The following SORT1 variants were observed in gnomAD, a reference collection of about 807,000 sequenced individuals.
The protein encoded by SORT1 is sortilin.
Under a neutral mutation model 101.7 loss-of-function variants are expected in SORT1, and 39 were observed. The observed-to-expected ratio is 0.38, with a 90% CI of 0.30 to 0.50. The LOEUF (loss-of-function observed/expected upper bound fraction) is 0.50. Among genes scored for constraint, SORT1 ranks in the 20% least tolerant of loss-of-function variants. SORT1 has a pLI of 0.90. For synonymous variants in SORT1, 396 were observed against 393.7 expected (o/e 1.01, Z -0.07); for missense variants, 878 against 1,040.4 (o/e 0.84, Z 2.15).
intron 10 of SORT1, among the ~76,000 whole-genome samples, chr1:109,338,963 A>C (rs1398374233): frequency 6.6e-6 from 1 of 151,640 alleles, no homozygotes; most frequent in Non-Finnish European, 1.5e-5. Flanking sequence ...CTGCAAGCTC[A>C]GCCTCCCGGG....
chr1:109,342,916 A>C (rs558035790), intron 8 of SORT1, among the ~76,000 whole-genome samples: 9 of 152,272 alleles, frequency 5.9e-5, no homozygotes, highest in African/African-American at 2.2e-4. Context: ...AATACTCTTT[A>C]AAGTTCAGTG....
chr1:109,366,724 T>C (rs1231561530), intron 3 of SORT1: 2 of 152,142 alleles, frequency 1.3e-5, no homozygotes, highest in East Asian at 1.9e-4. Flanking sequence ...CTGGGCAACA[T>C]GGTGAAACCC....
chr1:109,325,280 C>T (rs1478288310), intron 13 of SORT1, among the ~76,000 whole-genome samples, 191 bp from the exon 14 acceptor site: 6 of 141,476 alleles, frequency 4.2e-5, no homozygotes, highest in Admixed American at 3.8e-4. Flanking sequence ...ACTCTGTCAC[C>T]GGGCTGGAGT....
At chr1:109,352,278 G>A (rs2101599912) in intron 5 of SORT1, among the ~76,000 whole-genome samples, 1 of 152,202 alleles carries the variant, frequency 6.6e-6, no homozygotes, top group East Asian at 1.9e-4. Context: ...CATTATAGGT[G>A]GTGGTAGCTA....
intron 1 of SORT1, among the ~76,000 whole-genome samples, chr1:109,395,186 G>A (rs1019666028): frequency 2.1e-5 from 3 of 142,878 alleles, no homozygotes; most frequent in African/African-American, 5.1e-5. Context: ...AAGAGACCAC[G>A]GATGACTAAC....
At position 109,314,036 on chromosome 1, in the gene SORT1, T is replaced by TGA; in HGVS notation, c.*5_*6dup. 2 of 1,613,880 alleles carry TGA rather than the reference T, an allele frequency of 1.2e-6. No homozygotes were observed. Among genetic ancestry groups the TGA allele is most frequent in the Middle Eastern group, 1.6e-4 (1 of 6,062 alleles). ...CCATCCATGCTGGGTCCAGCTCCTC[T>TGA]GAAGAGCTATTCCAAGAGGTCCTGA... is the stretch of plus-strand genomic sequence containing the variant. On this transcript the variant is annotated 3_prime_UTR_variant, in exon 20 of 20. Transcript: ENST00000256637.
Position 109,325,529 on chromosome 1 carries a change from C to T in SORT1, c.1644-440G>A, listed in dbSNP as rs1176918919. Among the ~76,000 whole-genome samples, 6 of 151,986 alleles carry T rather than the reference C, an allele frequency of 3.9e-5. No homozygotes were observed. In the East Asian group the frequency reaches 9.7e-4, roughly 25 times the overall value. The stretch of plus-strand genomic sequence containing the variant: ...TGCTGGGATTATAGGCGTGAGCCAC[C>T]GCACCCAGCCAACTATTTTAACTTT... On this transcript the variant is annotated intron_variant, in intron 13 of 19. Transcript: ENST00000256637.
At chr1:109,324,152 G>C (rs1647827396) in intron 14 of SORT1, among the ~76,000 whole-genome samples, 1 of 151,124 alleles carries the variant, frequency 6.6e-6, no homozygotes, top group South Asian at 2.1e-4. Flanking sequence ...TTTTGAGACA[G>C]AGTCTTGCTC....
Position 109,316,966 on chromosome 1 carries a change from G to A in SORT1, c.2142-8C>T. On this transcript the variant is annotated splice_region_variant and splice_polypyrimidine_tract_variant and intron_variant, in intron 16 of 19. Coordinates refer to ENST00000256637, the MANE Select transcript of SORT1 (RefSeq NM_002959.7). Reference sequence around the variant, plus strand: ...CCTGGAATTTTCCGGTACCTACCAGGCAAAGAAGATTTGGTAACAGAAGAT... The same window carrying A: ...CCTGGAATTTTCCGGTACCTACCAGACAAAGAAGATTTGGTAACAGAAGAT... The A allele has an allele frequency of 1.3e-6, 2 of 1,549,864 alleles. No individual in the cohort carries two copies. The highest frequency in any genetic ancestry group is 1.8e-6 in the Non-Finnish European group (2 of 1,130,092).
chr1:109,363,164 C>T (rs1183146792), intron 3 of SORT1, among the ~76,000 whole-genome samples: 1 of 152,120 alleles, frequency 6.6e-6, no homozygotes, highest in East Asian at 1.9e-4. Flanking sequence ...AGGTATATAA[C>T]ATTGGTGTAG....
intron 1 of SORT1, among the ~76,000 whole-genome samples, chr1:109,390,785 G>T (rs1157868601): frequency 7.1e-6 from 1 of 140,114 alleles, no homozygotes; most frequent in Non-Finnish European, 1.5e-5. Context: ...GTGTGTGTGT[G>T]TGTGTGTGTG....
At chr1:109,322,537 G>GT (rs968823782) in intron 15 of SORT1, among the ~76,000 whole-genome samples, 4 of 151,794 alleles carry the variant, frequency 2.6e-5, no homozygotes, top group Non-Finnish European at 5.9e-5. Flanking sequence ...AAGGGTTTCA[G>GT]TTTTTTTTGG....
chr1:109,397,452 T>C (rs1653260458), intron 1 of SORT1, 135 bp downstream of exon 1: 2 of 537,268 alleles, frequency 3.7e-6, no homozygotes, highest in Non-Finnish European at 4.8e-6. Context: ...CGCCGCAGTT[T>C]CGGGGCTGCG....
In SORT1 at chr1:109,350,492, A is replaced by G. The variant is rs559537228; in HGVS notation, c.782+437T>C. 3.9e-5 allele frequency among the ~76,000 whole-genome samples: 6 copies of G among 152,350 alleles called. No homozygotes were observed. In the East Asian group the frequency reaches 1.2e-3, roughly 29 times the overall value. On this transcript the variant is annotated intron_variant, in intron 6 of 19. Transcript: ENST00000256637. Reference sequence around the variant, plus strand: ...GAGTTGTGGTGCGCAATGTGACTTCAGGAGTCTGGAAGCTCTTTCAGCTTT... The same window carrying G: ...GAGTTGTGGTGCGCAATGTGACTTCGGGAGTCTGGAAGCTCTTTCAGCTTT...
rs1346308367 is a variant in SORT1, at chr1:109,312,479, C to T, written c.*1564G>A. 1 of 150,134 alleles carries T rather than the reference C, an allele frequency of 6.7e-6. No individual in the cohort carries two copies. The highest frequency in any genetic ancestry group is 1.5e-5 in the Non-Finnish European group (1 of 67,746). The allele number at this position is 150,134 out of a possible 1,614,324, so 9.3% of individuals were successfully genotyped here. ...GGAGGAGAGAACTTAGCCATCTGCT[C>T]ACATTCTGACTAAAGTTAATTTGGC... On this transcript the variant is annotated 3_prime_UTR_variant, in exon 20 of 20. Coordinates refer to ENST00000256637, the MANE Select transcript of SORT1 (RefSeq NM_002959.7).
intron 14 of SORT1, 52 bp from the exon 15 acceptor site, chr1:109,323,173 C>T (rs772208636): frequency 1.8e-5 from 24 of 1,299,552 alleles, no homozygotes; most frequent in African/African-American, 2.9e-5. Flanking sequence ...AACCCACCCA[C>T]GGGAGGCAGC....
chr1:109,344,237 C>T (rs1649431682), intron 8 of SORT1, among the ~76,000 whole-genome samples: 1 of 152,218 alleles, frequency 6.6e-6, no homozygotes, highest in Non-Finnish European at 1.5e-5. Context: ...GGCGCTCCCG[C>T]TGCTTCTGCG....
chr1:109,314,262 T>G lies in SORT1; in HGVS notation c.2480A>C (p.Glu827Ala). 2.5e-6 allele frequency: 4 copies of G among 1,610,930 alleles called. No individual in the cohort carries two copies. In the Middle Eastern group the frequency reaches 5.0e-4, roughly 200 times the overall value. ...CCATTCAAGAAGAAATAGCCTCACC[T>G]CATCTGAGTCATCATGATAACCACT... Reference protein sequence around the residue: ...NKSGYHDDSDEDLLE With the variant: ...NKSGYHDDSDADLLE Residue 827 changes from glutamate (E) to alanine (A), a missense_variant and splice_region_variant, in exon 19 of 20, where the codon GAG (glutamate) becomes GCG (alanine). Physicochemically the swap from Glu to Ala is moderately radical, Grantham distance 107. Transcript: ENST00000256637.
At chr1:109,389,126 G>A (rs1400663177) in intron 1 of SORT1, among the ~76,000 whole-genome samples, 1 of 152,212 alleles carries the variant, frequency 6.6e-6, no homozygotes, top group Non-Finnish European at 1.5e-5. Context: ...TATCTATCAG[G>A]ATCACCTGGC....
Sources: allele counts gnomAD v4.1 joint callset (sites outside exome capture counted in the v4.1 genomes callset), GRCh38; gene constraint gnomAD v4.1.1; transcripts MANE v1.5; gene names NCBI Gene and HGNC (gene_info 2026-07-23, HGNC 2026-07-21).